The following CTNNA2 variants were observed in gnomAD, a reference collection of about 807,000 sequenced individuals.
CTNNA2 encodes the protein catenin alpha 2, also known as catenin alpha-2.
In CTNNA2, 42 loss-of-function variants were observed where a neutral mutation model predicts 101.0. The ratio of observed to expected loss-of-function variants is 0.42; its 90% CI spans 0.32 to 0.54. The LOEUF is 0.54. CTNNA2 is among the 20% of genes least tolerant of loss of function. CTNNA2 has a pLI of 0.14. For synonymous variants in CTNNA2, 450 were observed against 456.4 expected (o/e 0.99, Z 0.18); for missense variants, 871 against 1,223.1 (o/e 0.71, Z 4.29).
At chr2:80,195,185 A>G (rs1268060159) in intron 7 of CTNNA2, among the ~76,000 whole-genome samples, 1 of 152,112 alleles carries the variant, frequency 6.6e-6, no homozygotes, top group Non-Finnish European at 1.5e-5. Context: ...TCTTGGTTTT[A>G]TAGTCTATAT....
intron 7 of CTNNA2, among the ~76,000 whole-genome samples, chr2:79,956,729 G>A (rs2104513801): frequency 6.6e-6 from 1 of 152,180 alleles, no homozygotes; most frequent in East Asian, 1.9e-4. Context: ...CTTAGTGGAT[G>A]GAAGGGCAGG....
chr2:80,088,096 C>G (rs1699560695), intron 7 of CTNNA2, among the ~76,000 whole-genome samples: 1 of 151,916 alleles, frequency 6.6e-6, no homozygotes, highest in South Asian at 2.1e-4. Context: ...AAACATTGAA[C>G]CTCAGAAAGT....
intron 4 of CTNNA2, among the ~76,000 whole-genome samples, chr2:79,395,789 A>G (rs1678223344): frequency 6.6e-6 from 1 of 152,118 alleles, no homozygotes; most frequent in Non-Finnish European, 1.5e-5. Flanking sequence ...CAAGAGCTTG[A>G]TATGTTTTAC....
chr2:80,357,833 A>G (rs77258876), intron 7 of CTNNA2, among the ~76,000 whole-genome samples: 4,405 of 152,224 alleles, frequency 0.029, 114 homozygotes, highest in African/African-American at 0.065. Context: ...GTCAACAGCT[A>G]CTGCCTGACC....
chr2:80,279,019 T>A lies in CTNNA2; in HGVS notation c.1057-114192T>A, dbSNP rs367287. On this transcript the variant is annotated intron_variant, in intron 7 of 18. Transcript: ENST00000402739. ...TTATTCTATTGGAGACTGAATTTGGTTTTGTTCCCTGGTACATTAATGACT... is the reference window on the plus strand; with the variant it reads ...TTATTCTATTGGAGACTGAATTTGGATTTGTTCCCTGGTACATTAATGACT... Among the ~76,000 whole-genome samples, 594 of 148,918 alleles carry A rather than the reference T, an allele frequency of 4.0e-3. 5 individuals carry two copies. Among genetic ancestry groups the A allele is most frequent in the African/African-American group, 0.014 (559 of 40,618 alleles).
At chr2:80,449,928 T>C (rs1380650497) in intron 9 of CTNNA2, among the ~76,000 whole-genome samples, 1 of 152,224 alleles carries the variant, frequency 6.6e-6, no homozygotes, top group Non-Finnish European at 1.5e-5. Flanking sequence ...GTTGACTATA[T>C]TCTTGACATG....
chr2:79,953,562 A>G (rs1408598961), intron 7 of CTNNA2, among the ~76,000 whole-genome samples: 1 of 152,206 alleles, frequency 6.6e-6, no homozygotes, highest in Admixed American at 6.5e-5. Flanking sequence ...TCGCTCCAGC[A>G]CTTTTCTAAG....
intron 2 of CTNNA2, among the ~76,000 whole-genome samples, chr2:79,681,581 G>T (rs1683566319): frequency 6.6e-6 from 1 of 152,202 alleles, no homozygotes; most frequent in Admixed American, 6.5e-5. Flanking sequence ...AGTGTTATTA[G>T]TGCATTCTTA....
In CTNNA2 at chr2:79,243,007, C is replaced by CACAT. The variant is rs1553385628; in HGVS notation, c.-406+44934_-406+44935insTACA. 4.8e-3 allele frequency among the ~76,000 whole-genome samples: 684 copies of CACAT among 142,732 alleles called. 6 individuals carry two copies. The highest frequency in any genetic ancestry group is 0.017 in the African/African-American group (655 of 38,404). 93.6% of individuals were successfully genotyped at this position (142,732 alleles called of 152,430 possible). On this transcript the variant is annotated intron_variant, in intron 2 of 21. Coordinates refer to the CTNNA2 transcript ENST00000466387. ...ATATATATATATACACACACACACACACACACACACACACACACACACGTT... is the reference window on the plus strand; with the variant it reads ...ATATATATATATACACACACACACACACATACACACACACACACACACACACGTT...
chr2:80,334,014 G>A (rs1251348234), intron 7 of CTNNA2, among the ~76,000 whole-genome samples: 2 of 152,136 alleles, frequency 1.3e-5, no homozygotes, highest in East Asian at 1.9e-4. Flanking sequence ...CACTCTCCAG[G>A]GTTATGCTTA....
chr2:79,185,490 A>T (rs1390912104), intron 1 of CTNNA2: 4 of 152,174 alleles, frequency 2.6e-5, no homozygotes, highest in African/African-American at 9.7e-5. Flanking sequence ...TATGTTTTTC[A>T]TGTATCTTGG....
intron 2 of CTNNA2, among the ~76,000 whole-genome samples, chr2:79,199,342 A>G (rs543113734): frequency 1.6e-4 from 24 of 152,314 alleles, no homozygotes; most frequent in Admixed American, 4.6e-4. Flanking sequence ...TAAAACAATG[A>G]TAACCCAACA....
intron 1 of CTNNA2, among the ~76,000 whole-genome samples, chr2:79,590,679 T>C (rs1040528034): frequency 4.6e-5 from 7 of 152,186 alleles, no homozygotes; most frequent in Admixed American, 1.3e-4. Context: ...GACAAAGTCC[T>C]GTTTATATGA....
rs116377456 is a variant in CTNNA2, at chr2:80,543,561, T to G, written c.1291-1421T>G. ...AAACCCTATTCTTTACACTAATGGTTTATTGAAGTAATCTTTAAAAGTATT... is the reference window on the plus strand; with the variant it reads ...AAACCCTATTCTTTACACTAATGGTGTATTGAAGTAATCTTTAAAAGTATT... On this transcript the variant is annotated intron_variant, in intron 9 of 18. Transcript: ENST00000402739. 2.2e-3 allele frequency among the ~76,000 whole-genome samples: 335 copies of G among 152,304 alleles called. 5 individuals carry two copies. The highest frequency in any genetic ancestry group is 7.6e-3 in the African/African-American group (315 of 41,568).
At chr2:79,287,049 A>G (rs1338344491) in intron 2 of CTNNA2, among the ~76,000 whole-genome samples, 6 of 152,068 alleles carry the variant, frequency 3.9e-5, no homozygotes, top group East Asian at 1.9e-4. Flanking sequence ...TGATCGCATC[A>G]GCTCCTGAGA....
At chr2:80,622,686 C>T (rs3770369) in intron 18 of CTNNA2, among the ~76,000 whole-genome samples, 83,410 of 151,582 alleles carry the variant, frequency 0.55, 23,397 homozygotes, top group African/African-American at 0.65. Flanking sequence ...TTGCTGTAGA[C>T]TTGCAGAAGA....
chr2:80,553,202 C>T (rs573317956), intron 11 of CTNNA2, among the ~76,000 whole-genome samples: 42 of 145,178 alleles, frequency 2.9e-4, no homozygotes, highest in African/African-American at 9.4e-4. Context: ...CCAGCCTGGG[C>T]GACAGAGGGA....
At chr2:80,177,587 C>T (rs1705475025) in intron 7 of CTNNA2, among the ~76,000 whole-genome samples, 1 of 152,066 alleles carries the variant, frequency 6.6e-6, no homozygotes, top group Non-Finnish European at 1.5e-5. Context: ...GCCCACTGGG[C>T]AATGACAGGG....
chr2:79,804,878 AG>A (rs1016726359), intron 3 of CTNNA2, among the ~76,000 whole-genome samples: 1 of 152,200 alleles, frequency 6.6e-6, no homozygotes, highest in Admixed American at 6.5e-5. Context: ...TAAAAGTCTC[AG>A]TTCTGAGTAG....
Sources: gnomAD v4.1 joint callset for allele counts (sites outside exome capture counted in the v4.1 genomes callset) on GRCh38, gnomAD v4.1.1 for gene constraint, MANE v1.5 for transcripts, NCBI Gene and HGNC (gene_info 2026-07-23, HGNC 2026-07-21) for gene names.